The following SBF2 variants were observed in gnomAD, a reference collection of about 807,000 sequenced individuals.
SBF2 encodes SET binding factor 2.
Under a neutral mutation model 225.2 loss-of-function variants are expected in SBF2, and 112 were observed. That is an observed-to-expected ratio of 0.50 (90% confidence interval 0.43 to 0.58). The LOEUF is 0.58. Among genes scored for constraint, SBF2 ranks in the 20% least tolerant of loss-of-function variants. SBF2 has a pLI of 0.00. For synonymous variants in SBF2, 763 were observed against 773.3 expected (o/e 0.99, Z 0.22); for missense variants, 1,996 against 2,206.2 (o/e 0.90, Z 1.91).
intron 6 of SBF2, among the ~76,000 whole-genome samples, chr11:10,027,061 T>A (rs774838872): frequency 6.6e-6 from 1 of 152,212 alleles, no homozygotes; most frequent in Non-Finnish European, 1.5e-5. Context: ...AATTAATACA[T>A]GCATTACTTC....
At chr11:10,168,635 A>G (rs973315756) in intron 2 of SBF2, among the ~76,000 whole-genome samples, 1 of 152,250 alleles carries the variant, frequency 6.6e-6, no homozygotes, top group East Asian at 1.9e-4. Context: ...TAAAGAGGCC[A>G]GAATCAGTCT....
intron 2 of SBF2, among the ~76,000 whole-genome samples, chr11:10,129,250 T>C (rs1264645382): frequency 1.3e-5 from 2 of 151,962 alleles, no homozygotes; most frequent in Non-Finnish European, 2.9e-5. Flanking sequence ...ATTACAGGCA[T>C]GCACCACCAC....
At position 10,196,866 on chromosome 11, in the gene SBF2, A is replaced by ATATATATATATATTTTTTTTTTT; in HGVS notation, c.56-2880_56-2879insAAAAAAAAAAATATATATATATA. ...TATATATATATATATATATATATAT[A>ATATATATATATATTTTTTTTTTT]TTTTTTTTTTCCTACAAAATGAATA... is the stretch of plus-strand genomic sequence containing the variant. On this transcript the variant is annotated intron_variant, in intron 1 of 39. Transcript: ENST00000256190. Among the ~76,000 whole-genome samples, 21 of 99,296 alleles carry ATATATATATATATTTTTTTTTTT rather than the reference A, an allele frequency of 2.1e-4. 1 individual carries two copies. Among genetic ancestry groups the ATATATATATATATTTTTTTTTTT allele is most frequent in the African/African-American group, 5.2e-4 (13 of 24,790 alleles). 65.1% of individuals were successfully genotyped at this position (99,296 alleles called of 152,430 possible).
In SBF2 at chr11:10,282,705, C is replaced by T. The variant is rs564415383; in HGVS notation, c.55+11310G>A. On this transcript the variant is annotated intron_variant, in intron 1 of 39. Transcript: ENST00000256190. The stretch of plus-strand genomic sequence containing the variant: ...TTCCTTGCCATTTCCACCATAAAAA[C>T]GTTTGAGCTTTCTCATACTGGTCTT... Among the ~76,000 whole-genome samples the T allele has an allele frequency of 2.0e-5, 3 of 152,284 alleles. No homozygotes were observed. The South Asian group carries it at 6.2e-4, about 32-fold the overall frequency.
At chr11:10,289,135 C>T (rs1188864384) in intron 1 of SBF2, among the ~76,000 whole-genome samples, 1 of 152,184 alleles carries the variant, frequency 6.6e-6, no homozygotes, top group South Asian at 2.1e-4. Flanking sequence ...TGTACACACC[C>T]GGGGGCGCTG....
intron 1 of SBF2, among the ~76,000 whole-genome samples, chr11:10,288,653 A>G (rs1963954463): frequency 6.6e-6 from 1 of 152,020 alleles, no homozygotes; most frequent in South Asian, 2.1e-4. Context: ...TTCAGCTCTC[A>G]GCAGAGAGGA....
chr11:10,143,554 T>C (rs1409414952), intron 2 of SBF2, among the ~76,000 whole-genome samples: 1 of 152,168 alleles, frequency 6.6e-6, no homozygotes, highest in East Asian at 1.9e-4. Context: ...TAATTACTAC[T>C]ATACCTATAC....
intron 2 of SBF2, among the ~76,000 whole-genome samples, chr11:10,073,155 A>C (rs1345612719): frequency 6.6e-6 from 1 of 152,116 alleles, no homozygotes; most frequent in African/African-American, 2.4e-5. Context: ...GGTTGCTGTG[A>C]ATATGAAGTG....
intron 1 of SBF2, among the ~76,000 whole-genome samples, chr11:10,204,778 T>C (rs1957695657): frequency 6.6e-6 from 1 of 152,090 alleles, no homozygotes; most frequent in South Asian, 2.1e-4. Context: ...AGTCCATTTA[T>C]ATGAAATGCC....
rs537758425 is a variant in SBF2 at position 9,894,875 on chromosome 11, G to A, written c.1929+1068C>T. Among the ~76,000 whole-genome samples the A allele has an allele frequency of 1.3e-3, 196 of 152,042 alleles. 1 individual carries two copies. The highest frequency in any genetic ancestry group is 4.5e-3 in the African/African-American group (185 of 41,452). ...TACATGCCTATAACCCCAGCCACTT[G>A]GGCAACTGAGGCAGGAGAATCACTT... is the stretch of plus-strand genomic sequence containing the variant. On this transcript the variant is annotated intron_variant, in intron 17 of 39. Transcript: ENST00000256190.
At chr11:9,809,055 A>G in intron 30 of SBF2, 53 bp from the exon 31 acceptor site, 1 of 1,327,806 alleles carries the variant, frequency 7.5e-7, no homozygotes, top group Non-Finnish European at 1.1e-6. Flanking sequence ...TGAGTGCAGA[A>G]GTCAGAGAGA....
At chr11:10,074,410 AACTC>A (rs1299997348) in intron 2 of SBF2, among the ~76,000 whole-genome samples, 1 of 152,202 alleles carries the variant, frequency 6.6e-6, no homozygotes, top group African/African-American at 2.4e-5. Flanking sequence ...AATTCACAAA[AACTC>A]AGCCAGCAAA....
At chr11:10,127,627 T>C (rs1953819176) in intron 2 of SBF2, among the ~76,000 whole-genome samples, 1 of 152,170 alleles carries the variant, frequency 6.6e-6, no homozygotes, top group Admixed American at 6.5e-5. Flanking sequence ...AAGTATGTCA[T>C]TTGACTACAC....
At chr11:10,257,664 CAAAAAAAAAAAA>C (rs58743421) in intron 1 of SBF2, among the ~76,000 whole-genome samples, 5 of 39,056 alleles carry the variant, frequency 1.3e-4, no homozygotes, top group East Asian at 9.0e-4. Flanking sequence ...GGCCTTGCCT[CAAAAAAAAAAAA>C]AAAAAAAAAA....
At chr11:9,882,970 G>A (rs1398086583) in intron 17 of SBF2, among the ~76,000 whole-genome samples, 1 of 151,948 alleles carries the variant, frequency 6.6e-6, no homozygotes, top group Non-Finnish European at 1.5e-5. Context: ...TGGGCAACAT[G>A]GTAAAATACA....
chr11:9,900,606 A>G (rs1209607606), intron 16 of SBF2, among the ~76,000 whole-genome samples: 1 of 152,114 alleles, frequency 6.6e-6, no homozygotes, highest in East Asian at 1.9e-4. Context: ...TGAGCTCACC[A>G]TTGCTCCATC....
chr11:10,067,101 G>A (rs753003082), intron 2 of SBF2, among the ~76,000 whole-genome samples: 4 of 152,080 alleles, frequency 2.6e-5, no homozygotes, highest in Non-Finnish European at 4.4e-5. Context: ...AACACAGTGG[G>A]ACCCTGACTC....
chr11:10,171,720 T>C (rs1334669283), intron 2 of SBF2, among the ~76,000 whole-genome samples: 2 of 152,214 alleles, frequency 1.3e-5, no homozygotes, highest in South Asian at 2.1e-4. Context: ...ATTGCATTAG[T>C]TCTTCTTTAA....
intron 2 of SBF2, among the ~76,000 whole-genome samples, chr11:10,152,260 C>T (rs1361978277): frequency 6.6e-6 from 1 of 152,070 alleles, no homozygotes; most frequent in Non-Finnish European, 1.5e-5. Context: ...TTAGAAAACA[C>T]CCCATATAGG....
Sources: allele counts gnomAD v4.1 joint callset (sites outside exome capture counted in the v4.1 genomes callset), GRCh38; gene constraint gnomAD v4.1.1; transcripts MANE v1.5; gene names NCBI Gene and HGNC (gene_info 2026-07-23, HGNC 2026-07-21).